The following MUC5B variants were observed in gnomAD, a reference collection of about 807,000 sequenced individuals.
The protein encoded by MUC5B is mucin-5B.
In MUC5B, 116 loss-of-function variants were observed where a neutral mutation model predicts 376.9. That is an observed-to-expected ratio of 0.31 (90% CI 0.26 to 0.36). The LOEUF (loss-of-function observed/expected upper bound fraction) is 0.36. Among genes scored for constraint, MUC5B ranks in the 10% least tolerant of loss-of-function variants. MUC5B has a pLI of 1.00. For synonymous variants in MUC5B, 3,517 were observed against 3,390.9 expected, an observed-to-expected ratio of 1.04 and a Z score of -1.29; for missense variants, 7,165 against 7,769.9, an observed-to-expected ratio of 0.92 and a Z score of 2.93.
chr11:1,251,801 G>C, intron 31 of MUC5B, 58 bp downstream of exon 31: 1 of 1,261,422 alleles, frequency 7.9e-7, no homozygotes, highest in Non-Finnish European at 1.1e-6. Context: ...GCCAACCTGG[G>C]TCTGCCTGTC....
Position 1,253,490 on chromosome 11 carries a change from G to A in MUC5B, c.15217+510G>A, listed in dbSNP as rs994493732. Reference sequence around the variant, plus strand: ...GCGGGACCCACCGCTAAGAGGTCACGGCGTTCTCACTCCTCCCCATGTCCT... The same window carrying A: ...GCGGGACCCACCGCTAAGAGGTCACAGCGTTCTCACTCCTCCCCATGTCCT... On this transcript the variant is annotated intron_variant, in intron 33 of 48. Coordinates refer to ENST00000529681, the MANE Select transcript of MUC5B (RefSeq NM_002458.3). This position sits in a 1 kb window ranked among gnomAD's most constrained non-coding sequence, Gnocchi z 4.3. Among the ~76,000 whole-genome samples, 3 of 152,116 alleles carry A rather than the reference G, an allele frequency of 2.0e-5. No homozygotes were observed. The highest frequency in any genetic ancestry group is 4.8e-5 in the African/African-American group (2 of 41,394).
intron 38 of MUC5B, among the ~76,000 whole-genome samples, chr11:1,256,436 C>T (rs924471788): frequency 1.4e-4 from 21 of 151,626 alleles, no homozygotes; most frequent in African/African-American, 3.6e-4. Flanking sequence ...CGCCTGGCCC[C>T]GCATCCCCAC....
intron 18 of MUC5B, 55 bp downstream of exon 18, chr11:1,233,323 G>T (rs996108868): frequency 6.9e-7 from 1 of 1,456,872 alleles, no homozygotes; most frequent in Non-Finnish European, 9.0e-7. Context: ...GCCACTTCCC[G>T]CCCTCCCCGA....
rs1381769268 is a variant in MUC5B, at chr11:1,256,532, G to T, written c.16137-139G>T. 5 of 106,936 alleles carry T rather than the reference G, an allele frequency of 4.7e-5. No individual in the cohort carries two copies. The East Asian group carries it at 1.5e-3, about 32-fold the overall frequency. 6.6% of individuals were successfully genotyped at this position (106,936 alleles called of 1,614,324 possible). ...CCAGCCCCACCCGTCCCCGCCCCCA[G>T]CCCCGCCCACCCTGAGCCCCGCACT... On this transcript the variant is annotated intron_variant, in intron 38 of 48. Coordinates refer to ENST00000529681, the MANE Select transcript of MUC5B (RefSeq NM_002458.3).
Position 1,236,522 on chromosome 11 carries a change from G to A in MUC5B, c.3017G>A (p.Arg1006Gln), listed in dbSNP as rs1005105127. ...ETHGMAVSWDRKTSVFIRLHQ... is the reference protein window; with the variant it reads ...ETHGMAVSWDQKTSVFIRLHQ... ...CACGGGATGGCCGTGTCCTGGGACC[G>A]GAAGACCAGCGTGTTCATCCGACTG... is the stretch of plus-strand genomic sequence containing the variant. The change falls in exon 24 of 49, where the codon CGG (arginine) becomes CAG (glutamine). Residue 1006 changes from arginine to glutamine, a missense_variant. Around this residue, in one of 31 missense-constraint regions of MUC5B, gnomAD observed 530 missense variants for 604.0 expected, o/e 0.88. Transcript: ENST00000529681. 8.7e-6 allele frequency: 14 copies of A among 1,612,874 alleles called. No individual in the cohort carries two copies. The highest frequency in any genetic ancestry group is 8.3e-5 in the Admixed American group (5 of 59,996).
At chr11:1,252,573 G>T (rs779043604) in intron 32 of MUC5B, 49 bp downstream of exon 32, 3 of 1,467,606 alleles carry the variant, frequency 2.0e-6, no homozygotes, top group Non-Finnish European at 2.7e-6. Context: ...ACACGGTCTG[G>T]GTTGGCTGGA....
At chr11:1,228,809 A>C in intron 8 of MUC5B, 44 bp downstream of exon 8, 2 of 631,248 alleles carry the variant, frequency 3.2e-6, no homozygotes, top group Non-Finnish European at 4.0e-6. Context: ...GCCAGAGAGA[A>C]GGGGCAGGGG....
chr11:1,254,403 G>A, intron 34 of MUC5B, 52 bp downstream of exon 34: 1 of 1,583,718 alleles, frequency 6.3e-7, no homozygotes, highest in East Asian at 2.3e-5. Context: ...AACCGCACCT[G>A]GGCAGGCCGA....
Position 1,241,003 on chromosome 11 carries a change from C to T in MUC5B, c.4123C>T (p.Leu1375=). 1 of 1,613,300 alleles carries T rather than the reference C, an allele frequency of 6.2e-7. No homozygotes were observed. Among genetic ancestry groups the T allele is most frequent in the Non-Finnish European group, 8.5e-7 (1 of 1,179,850 alleles). The change falls in exon 31 of 49, where the codon CTG becomes TTG. Residue 1375 remains leucine (L), a synonymous_variant. Transcript: ENST00000529681. Reference sequence around the variant, plus strand: ...GAGAGGGTACCAGGTATGCCCTGTGCTGGCTGACATCGAGTGCCGGGCGGC... The same window carrying T: ...GAGAGGGTACCAGGTATGCCCTGTGTTGGCTGACATCGAGTGCCGGGCGGC... ...RQRGYQVCPV[L]ADIECRAAQL...
intron 24 of MUC5B, 93 bp from the exon 25 acceptor site, chr11:1,236,832 G>A (rs1590173750): frequency 5.1e-6 from 7 of 1,373,890 alleles, no homozygotes; most frequent in East Asian, 5.4e-5. Flanking sequence ...TCCATCCCCC[G>A]AGGGCTCTGG....
In MUC5B at chr11:1,228,551, C is replaced by A. The variant is rs1861942155; in HGVS notation, c.775-13C>A. On this transcript the variant is annotated splice_polypyrimidine_tract_variant and intron_variant, in intron 7 of 48. Transcript: ENST00000529681. ...TGGCAGGGGTGCCCAGCCTGGCCCA[C>A]TGTGCTCCCCAGGAGGGCATCTGCC... is the stretch of plus-strand genomic sequence containing the variant. 1 of 1,505,956 alleles carries A rather than the reference C, an allele frequency of 6.6e-7. No individual in the cohort carries two copies. 93.3% of individuals were successfully genotyped at this position (1,505,956 alleles called of 1,614,324 possible).
chr11:1,257,772 C>A lies in MUC5B; in HGVS notation c.16450+62C>A. The A allele has an allele frequency of 2.0e-6, 3 of 1,486,934 alleles. No homozygotes were observed. The highest frequency in any genetic ancestry group is 1.3e-5 in the South Asian group (1 of 77,646). The allele number at this position is 1,486,934 out of a possible 1,614,324, so 92.1% of individuals were successfully genotyped here. On this transcript the variant is annotated intron_variant, in intron 41 of 48. Transcript: ENST00000529681. This position sits in a 1 kb window ranked among gnomAD's most constrained non-coding sequence, Gnocchi z 8.9. ...TGAGGGGGGACAGAGCCGGTGCCCA[C>A]CAGGGGCCTGTGGGTTGGGCACAGG...
Position 1,240,336 on chromosome 11 carries a change from T to C in MUC5B, c.3931T>C (p.Phe1311Leu), listed in dbSNP as rs1197511729. The C allele has an allele frequency of 6.2e-7, 1 of 1,608,834 alleles. No homozygotes were observed. Among genetic ancestry groups the C allele is most frequent in the Admixed American group, 1.7e-5 (1 of 59,830 alleles). Residue 1311 changes from phenylalanine (F) to leucine (L), a missense_variant, in exon 30 of 49, where the codon TTC becomes CTC. Physicochemically the swap from Phe to Leu is conservative, Grantham distance 22. Coordinates refer to ENST00000529681, the MANE Select transcript of MUC5B (RefSeq NM_002458.3). ...TCCTGGAACTCCAGCCACAACGCCATTCACCTTCACCACCGCCTGGGTCCC... is the reference window on the plus strand; with the variant it reads ...TCCTGGAACTCCAGCCACAACGCCACTCACCTTCACCACCGCCTGGGTCCC... Reference protein sequence around the residue: ...ACPGTPATTPFTFTTAWVPHS... With the variant: ...ACPGTPATTPLTFTTAWVPHS...
rs1234484111 is a variant in MUC5B at position 1,248,618 on chromosome 11, C to T, written c.11738C>T (p.Thr3913Ile). The change falls in exon 31 of 49, where the codon ACC becomes ATC. Residue 3913 changes from threonine (T) to isoleucine (I), a missense_variant. By Grantham distance (89) the Thr-to-Ile change is moderately conservative. Around this residue, in one of 31 missense-constraint regions of MUC5B, gnomAD observed 242 missense variants for 199.0 expected, o/e 1.22. Transcript: ENST00000529681. ...ACCCCCTCCTCCGTCCCGGGGACCA[C>T]CCACACCCCCACAGTGCTGACCACC... is the stretch of plus-strand genomic sequence containing the variant. ...TVTPSSVPGT[T>I]HTPTVLTTTT... The T allele has an allele frequency of 6.2e-7, 1 of 1,612,474 alleles. No homozygotes were observed. Among genetic ancestry groups the T allele is most frequent in the African/African-American group, 1.3e-5 (1 of 74,742 alleles).
Position 1,247,067 on chromosome 11 carries a change from C to G in MUC5B, c.10187C>G (p.Thr3396Arg), listed in dbSNP as rs202040871. The change falls in exon 31 of 49, where the codon ACG becomes AGG. Residue 3396 changes from threonine (T) to arginine (R), a missense_variant. This residue lies in a region of MUC5B where 939 missense variants were observed against 770.6 expected (regional missense o/e 1.22). Coordinates refer to ENST00000529681, the MANE Select transcript of MUC5B (RefSeq NM_002458.3). ...TPPSLTTTATTITATGSTTNP... is the reference protein window; with the variant it reads ...TPPSLTTTATRITATGSTTNP... ...CCATCACTGACCACCACGGCCACTA[C>G]GATCACAGCCACCGGCTCCACCACC... is the stretch of plus-strand genomic sequence containing the variant. 3.8e-6 allele frequency: 6 copies of G among 1,560,950 alleles called. No individual in the cohort carries two copies. The highest frequency in any genetic ancestry group is 1.2e-5 in the South Asian group (1 of 85,992).
rs541446789 is a variant in MUC5B, at chr11:1,253,432, C to G, written c.15217+452C>G. Among the ~76,000 whole-genome samples, 1 of 152,212 alleles carries G rather than the reference C, an allele frequency of 6.6e-6. No individual in the cohort carries two copies. Among genetic ancestry groups the G allele is most frequent in the South Asian group, 2.1e-4 (1 of 4,824 alleles). On this transcript the variant is annotated intron_variant, in intron 33 of 48. Coordinates refer to ENST00000529681, the MANE Select transcript of MUC5B (RefSeq NM_002458.3). The surrounding 1 kb of genome is among the most constrained non-coding windows in gnomAD (Gnocchi z 4.3). Reference sequence around the variant, plus strand: ...AGCGGGAGCCCAGAGGAGCTTTTGTCTCCTGGGTCCTAACAGCGGCTTCCA... The same window carrying G: ...AGCGGGAGCCCAGAGGAGCTTTTGTGTCCTGGGTCCTAACAGCGGCTTCCA...
chr11:1,226,954 G>A (rs1392099847), intron 4 of MUC5B, 77 bp from the exon 5 acceptor site: 1 of 1,189,424 alleles, frequency 8.4e-7, no homozygotes, highest in African/African-American at 1.5e-5. Context: ...TCTGACCTGG[G>A]CCAGGGCTGG....
chr11:1,250,966 C>A lies in MUC5B; in HGVS notation c.14086C>A (p.Pro4696Thr), dbSNP rs1862667343. 1 of 1,611,078 alleles carries A rather than the reference C, an allele frequency of 6.2e-7. No individual in the cohort carries two copies. The highest frequency in any genetic ancestry group is 8.5e-7 in the Non-Finnish European group (1 of 1,178,332). The change falls in exon 31 of 49, where the codon CCC (proline) becomes ACC (threonine). Residue 4696 changes from proline (P) to threonine (T), a missense_variant. By Grantham distance (38) the Pro-to-Thr change is conservative (BLOSUM62 -1). This residue lies in a region of MUC5B where 730 missense variants were observed against 592.7 expected (regional missense o/e 1.23). Coordinates refer to ENST00000529681, the MANE Select transcript of MUC5B (RefSeq NM_002458.3). ...TITATGSTTN[P>T]SSTPGTTPIT... ...CACGGCCACCGGCTCCACCACCAACCCCTCCTCAACTCCAGGGACAACACC... is the reference window on the plus strand; with the variant it reads ...CACGGCCACCGGCTCCACCACCAACACCTCCTCAACTCCAGGGACAACACC...
Position 1,251,619 on chromosome 11 carries a change from G to C in MUC5B, c.14739G>C (p.Leu4913=), listed in dbSNP as rs533953632. Residue 4913 remains leucine, a synonymous_variant, in exon 31 of 49, where the codon CTG becomes CTC. Transcript: ENST00000529681. ...TRTPAVLPSS[L]PTFSVSTVSS... is the part of the protein sequence containing the mutation. ...CCCCTGCAGTGCTCCCCAGCAGCCT[G>C]CCAACCTTCAGCGTGTCCACTGTGT... 6.2e-7 allele frequency: 1 copy of C among 1,612,862 alleles called. No homozygotes were observed. The highest frequency in any genetic ancestry group is 1.3e-5 in the African/African-American group (1 of 74,950).
Sources: allele counts gnomAD v4.1 joint callset (sites outside exome capture counted in the v4.1 genomes callset), GRCh38; gene constraint gnomAD v4.1.1; regional missense constraint gnomAD v4.1.1; non-coding constraint Gnocchi (gnomAD v3.1); transcripts MANE v1.5; gene names NCBI Gene and HGNC (gene_info 2026-07-23, HGNC 2026-07-21).